TACC2: variants seen among roughly 807,000 people sequenced by gnomAD.
TACC2 encodes transforming acidic coiled-coil-containing protein 2.
TACC2 carries 137 observed loss-of-function variants against 227.3 expected under a neutral mutation model. That is an observed-to-expected ratio of 0.60 (90% CI 0.52 to 0.69). TACC2 has a LOEUF of 0.69. TACC2 is among the 30% of genes least tolerant of loss of function. TACC2 has a pLI of 0.00. For synonymous variants in TACC2, 1,523 were observed against 1,487.5 expected, an observed-to-expected ratio of 1.02 and a Z score of -0.55; for missense variants, 3,470 against 3,694.4, an observed-to-expected ratio of 0.94 and a Z score of 1.57.
chr10:122,065,852 A>G (rs1461062960), intron 3 of TACC2, among the ~76,000 whole-genome samples: 7 of 152,210 alleles, frequency 4.6e-5, no homozygotes, highest in Admixed American at 4.6e-4. Context: ...TTTAGAATTT[A>G]TATGGATAAA....
Position 122,154,727 on chromosome 10 carries a change from A to T in TACC2, c.5834+11021A>T, listed in dbSNP as rs10788253. On this transcript the variant is annotated intron_variant, in intron 7 of 22. Transcript: ENST00000369005. Reference sequence around the variant, plus strand: ...AGGCAGGGTGTAGAGGGAATTATACAGACAGGGCCTCTCGGCTGGTTATGG... The same window carrying T: ...AGGCAGGGTGTAGAGGGAATTATACTGACAGGGCCTCTCGGCTGGTTATGG... 4.0e-4 allele frequency among the ~76,000 whole-genome samples: 61 copies of T among 152,150 alleles called. 1 individual carries two copies. The highest frequency in any genetic ancestry group is 1.4e-3 in the African/African-American group (57 of 41,426).
intron 6 of TACC2, among the ~76,000 whole-genome samples, chr10:122,135,292 G>A (rs906451211): frequency 6.6e-6 from 1 of 152,170 alleles, no homozygotes. Flanking sequence ...CTAGTCCAAG[G>A]AAGGTAATGC....
At chr10:122,028,802 T>TCCC (rs1958458344) in intron 2 of TACC2, among the ~76,000 whole-genome samples, 2 of 10,016 alleles carry the variant, frequency 2.0e-4, no homozygotes, top group African/African-American at 8.3e-4. Context: ...CCTCCCCTCC[T>TCCC]CTCCCCTCCC....
At chr10:122,244,998 C>T (rs2096078164) in intron 19 of TACC2, 1 of 152,236 alleles carries the variant, frequency 6.6e-6, no homozygotes, top group African/African-American at 2.4e-5. Flanking sequence ...TTTCTAACAA[C>T]TGCCCTGATT....
chr10:122,224,378 G>T (rs1056883728), intron 11 of TACC2, among the ~76,000 whole-genome samples: 2 of 152,134 alleles, frequency 1.3e-5, no homozygotes, highest in Admixed American at 6.5e-5. Context: ...GAGGAAACCC[G>T]CACCCAGAAT....
chr10:122,134,882 G>A (rs1262263135), intron 6 of TACC2, among the ~76,000 whole-genome samples: 2 of 152,198 alleles, frequency 1.3e-5, no homozygotes, highest in Non-Finnish European at 2.9e-5. Context: ...TGCTTCTGAA[G>A]GCCCCTCCCA....
intron 2 of TACC2, among the ~76,000 whole-genome samples, chr10:122,047,680 C>T (rs545814643): frequency 1.3e-5 from 2 of 152,344 alleles, no homozygotes; most frequent in South Asian, 4.1e-4. Flanking sequence ...TACTAAACCT[C>T]TCAGAGCCTC....
chr10:122,084,917 C>T lies in TACC2; in HGVS notation c.2417C>T (p.Pro806Leu). The T allele has an allele frequency of 6.2e-7, 1 of 1,614,132 alleles. No homozygotes were observed. Among genetic ancestry groups the T allele is most frequent in the Non-Finnish European group, 8.5e-7 (1 of 1,180,024 alleles). ...CTGGACCAAGATCAGCAGGGAATCC[C>T]ATCCTGCCCAGGGGAAGGCTGGATA... ...LILDQDQQGIPSCPGEGWIRG... is the reference protein window; with the variant it reads ...LILDQDQQGILSCPGEGWIRG... The change falls in exon 4 of 23, where the codon CCA becomes CTA. Residue 806 changes from proline to leucine, a missense_variant. Transcript: ENST00000369005.
At chr10:122,129,417 G>A (rs937680291) in intron 5 of TACC2, among the ~76,000 whole-genome samples, 4 of 152,098 alleles carry the variant, frequency 2.6e-5, no homozygotes, top group Non-Finnish European at 5.9e-5. Flanking sequence ...TTAATTTGAT[G>A]AACTGTCCTC....
chr10:122,084,556 G>A lies in TACC2; in HGVS notation c.2056G>A (p.Ala686Thr). 1 of 1,613,750 alleles carries A rather than the reference G, an allele frequency of 6.2e-7. No homozygotes were observed. The highest frequency in any genetic ancestry group is 1.3e-5 in the African/African-American group (1 of 75,054). The change falls in exon 4 of 23, where the codon GCC becomes ACC. Residue 686 changes from alanine to threonine, a missense_variant. By Grantham distance (58) the Ala-to-Thr change is moderately conservative. Around this residue, in one of 10 missense-constraint regions of TACC2, gnomAD observed 1,924 missense variants for 1,978.3 expected, o/e 0.97. Transcript: ENST00000369005. ...TGGTGAGCCCACTGTTCCCGAAGGA[G>A]CCATCTGGGAGGGGTCAGGATTGCA... ...GAGEPTVPEGAIWEGSGLQPK... is the reference protein window; with the variant it reads ...GAGEPTVPEGTIWEGSGLQPK...
At chr10:122,006,855 C>T (rs1022821875) in intron 1 of TACC2, among the ~76,000 whole-genome samples, 11 of 121,284 alleles carry the variant, frequency 9.1e-5, no homozygotes, top group Non-Finnish European at 1.5e-4. Flanking sequence ...TCATTGCTTT[C>T]CTGATTTTTT....
intron 5 of TACC2, among the ~76,000 whole-genome samples, chr10:122,130,833 G>A (rs1191380274): frequency 6.6e-6 from 1 of 151,306 alleles, no homozygotes; most frequent in African/African-American, 2.5e-5. Flanking sequence ...AACAGTTCCT[G>A]GCACGTATAC....
intron 2 of TACC2, among the ~76,000 whole-genome samples, chr10:122,049,845 T>C (rs538167723): frequency 6.6e-6 from 1 of 152,248 alleles, no homozygotes; most frequent in South Asian, 2.1e-4. Flanking sequence ...ATATGGTTTA[T>C]AAAAACAACA....
intron 1 of TACC2, among the ~76,000 whole-genome samples, chr10:122,001,845 A>G (rs928331003): frequency 3.3e-5 from 5 of 152,114 alleles, no homozygotes; most frequent in Non-Finnish European, 5.9e-5. Context: ...CCACTATTAT[A>G]TCTACCTTTT....
At chr10:122,135,227 C>T (rs1307014511) in intron 6 of TACC2, among the ~76,000 whole-genome samples, 1 of 152,176 alleles carries the variant, frequency 6.6e-6, no homozygotes, top group Non-Finnish European at 1.5e-5. Flanking sequence ...GCGGGAGAGC[C>T]AGGCTTCCTC....
At chr10:122,022,046 C>T (rs371613453) in intron 2 of TACC2, 32 bp downstream of exon 2, 24 of 1,613,148 alleles carry the variant, frequency 1.5e-5, no homozygotes, top group East Asian at 2.2e-5. Flanking sequence ...TCTCGAGCTA[C>T]GTGGTGCTCT....
chr10:122,185,021 C>CTTTTTTT (rs34148046), intron 7 of TACC2, among the ~76,000 whole-genome samples: 129 of 95,208 alleles, frequency 1.4e-3, no homozygotes, highest in Middle Eastern at 7.5e-3. Context: ...GTCACTTATT[C>CTTTTTTT]TTTTTTTTTT....
intron 5 of TACC2, among the ~76,000 whole-genome samples, chr10:122,091,254 G>GGA (rs1555020216): frequency 1.3e-5 from 2 of 149,956 alleles, no homozygotes; most frequent in Non-Finnish European, 3.0e-5. Context: ...AATTTAGTAT[G>GGA]AAAAAAAAAG....
rs1464936371 is a variant in TACC2 at position 122,050,860 on chromosome 10, G to C, written c.146+310G>C. 1 of 311,502 alleles carries C rather than the reference G, an allele frequency of 3.2e-6. No homozygotes were observed. Among genetic ancestry groups the C allele is most frequent in the Non-Finnish European group, 6.0e-6 (1 of 167,954 alleles). The allele number at this position is 311,502 out of a possible 1,614,324, so 19.3% of individuals were successfully genotyped here. A position where few individuals can be genotyped will look rare whatever the true frequency, so the allele number is the denominator to read the frequency against. ...AATGGAAAACATCAAGGGTTCCCAG[G>C]GGTTTATCAGTGTCTAATCCGTGGC... On this transcript the variant is annotated intron_variant, in intron 3 of 22. Coordinates refer to ENST00000369005, the MANE Select transcript of TACC2 (RefSeq NM_206862.4). The surrounding 1 kb of genome is among the most constrained non-coding windows in gnomAD (Gnocchi z 4.6).
Sources: gnomAD v4.1 joint callset for allele counts (sites outside exome capture counted in the v4.1 genomes callset) on GRCh38, gnomAD v4.1.1 for gene constraint, gnomAD v4.1.1 regional missense constraint, Gnocchi (gnomAD v3.1) non-coding constraint, MANE v1.5 for transcripts, NCBI Gene and HGNC (gene_info 2026-07-23, HGNC 2026-07-21) for gene names.